Variants in SEPTIN10 observed in about 807,000 individuals in gnomAD.
The protein encoded by SEPTIN10 is septin 10.
In SEPTIN10, 66 loss-of-function variants were observed where a neutral mutation model predicts 54.8. The ratio of observed to expected loss-of-function variants is 1.21; its 90% CI spans 0.99 to 1.48. The LOEUF is 1.48. Among genes scored for constraint, SEPTIN10 ranks in the 40% most tolerant of loss-of-function variants. SEPTIN10 has a pLI of 0.00. For synonymous variants in SEPTIN10, 161 were observed against 181.0 expected, an observed-to-expected ratio of 0.89 and a Z score of 0.89; for missense variants, 620 against 545.6, an observed-to-expected ratio of 1.14 and a Z score of -1.36.
intron 10 of SEPTIN10, chr2:109,545,053 C>T (rs1380966727): frequency 1.0e-6 from 1 of 985,284 alleles, no homozygotes; most frequent in Non-Finnish European, 1.2e-6. Context: ...GTTATGTTTT[C>T]CTATTTTAAA....
chr2:109,605,995 T>C (rs1697847210), intron 1 of SEPTIN10, among the ~76,000 whole-genome samples: 1 of 152,184 alleles, frequency 6.6e-6, no homozygotes, highest in South Asian at 2.1e-4. Flanking sequence ...GAATGAGGTC[T>C]GGGGCAAGGA....
intron 9 of SEPTIN10, among the ~76,000 whole-genome samples, chr2:109,551,672 G>A (rs547561439): frequency 2.0e-5 from 3 of 152,152 alleles, no homozygotes; most frequent in East Asian, 3.9e-4. Flanking sequence ...ATCAAAATTC[G>A]CATTATAAAT....
chr2:109,548,244 C>T (rs1373727690), intron 9 of SEPTIN10, among the ~76,000 whole-genome samples: 3 of 151,544 alleles, frequency 2.0e-5, no homozygotes, highest in African/African-American at 7.3e-5. Flanking sequence ...TGCCCTCTAA[C>T]AACACAACCA....
intron 9 of SEPTIN10, among the ~76,000 whole-genome samples, chr2:109,551,246 A>G (rs1682883247): frequency 5.3e-5 from 8 of 152,260 alleles, no homozygotes; most frequent in Admixed American, 5.2e-4. Context: ...ATGGATTTAT[A>G]CAAAAGATAA....
At chr2:109,609,838 C>G (rs995608167) in intron 1 of SEPTIN10, among the ~76,000 whole-genome samples, 7 of 152,024 alleles carry the variant, frequency 4.6e-5, no homozygotes, top group South Asian at 2.1e-4. Flanking sequence ...GTAAGGATAA[C>G]TGAAGAAGTG....
intron 5 of SEPTIN10, 46 bp from the exon 6 acceptor site, chr2:109,568,022 T>A: frequency 7.0e-7 from 1 of 1,436,600 alleles, no homozygotes; most frequent in Non-Finnish European, 9.4e-7. Flanking sequence ...GATTTTTTTT[T>A]TTAATCCTGC....
intron 2 of SEPTIN10, among the ~76,000 whole-genome samples, chr2:109,592,196 G>GGT: frequency 6.6e-6 from 1 of 152,076 alleles, no homozygotes; most frequent in East Asian, 1.9e-4. Context: ...CGGGCGTGGT[G>GGT]GCTCACGCCT....
Position 109,567,831 on chromosome 2 carries a change from A to T in SEPTIN10, c.746T>A (p.Val249Asp), listed in dbSNP as rs1346718906. The change falls in exon 6 of 11, where the codon GTC (valine) becomes GAC (aspartate). Residue 249 changes from valine (V) to aspartate (D), a missense_variant. Transcript: ENST00000397712. ...GGAGCTCACATTCATTGCAGCGTTG[A>T]CCTTAGCAATAGTGTCATCATCCGT... ...FPTDDDTIAKVNAAMNGQLPF... is the reference protein window; with the variant it reads ...FPTDDDTIAKDNAAMNGQLPF... The T allele has an allele frequency of 6.2e-7, 1 of 1,604,828 alleles. No individual in the cohort carries two copies. The highest frequency in any genetic ancestry group is 1.3e-5 in the African/African-American group (1 of 74,380).
chr2:109,607,598 G>T (rs1172480509), intron 1 of SEPTIN10, among the ~76,000 whole-genome samples: 1 of 151,736 alleles, frequency 6.6e-6, no homozygotes, highest in Non-Finnish European at 1.5e-5. Flanking sequence ...TAATTACCTG[G>T]GCTAATTTAA....
rs2105442673 is a variant in SEPTIN10 at position 109,574,685 on chromosome 2, TAA to T, written c.494_495del (p.Phe165TyrfsTer4). 1.2e-6 allele frequency: 2 copies of T among 1,610,258 alleles called. No individual in the cohort carries two copies. The highest frequency in any genetic ancestry group is 1.7e-6 in the Non-Finnish European group (2 of 1,178,244). ...QEELKIKRSL[F>X]TYHDSRIHVC... is the part of the protein sequence containing the mutation. ...ACATGGATGCGAGAATCATGGTAGGTAAAGAGAGAACGCTTAATCTTCAGTTC... is the reference window on the plus strand; with the variant it reads ...ACATGGATGCGAGAATCATGGTAGGTAGAGAGAACGCTTAATCTTCAGTTC... On this transcript the variant is annotated frameshift_variant, in exon 5 of 11. Transcript: ENST00000397712. LOFTEE classifies it high-confidence loss of function.
intron 7 of SEPTIN10, 112 bp downstream of exon 7, chr2:109,565,651 C>A: frequency 1.1e-6 from 1 of 935,540 alleles, no homozygotes; most frequent in Non-Finnish European, 1.7e-6. Context: ...ACAGCCAATT[C>A]CTCTGACAAC....
chr2:109,565,692 A>G (rs766495465), intron 7 of SEPTIN10, 71 bp downstream of exon 7: 96 of 1,284,418 alleles, frequency 7.5e-5, no homozygotes, highest in Admixed American at 5.0e-4. Flanking sequence ...ATCACCCCAA[A>G]GAAGGCATGA....
At chr2:109,595,441 C>T (rs1342742568) in intron 1 of SEPTIN10, among the ~76,000 whole-genome samples, 1 of 152,134 alleles carries the variant, frequency 6.6e-6, no homozygotes, top group African/African-American at 2.4e-5. Flanking sequence ...CTGAAAGGCC[C>T]CCCAGTCCCA....
At chr2:109,603,890 G>A (rs984026060) in intron 1 of SEPTIN10, among the ~76,000 whole-genome samples, 12 of 151,940 alleles carry the variant, frequency 7.9e-5, no homozygotes, top group African/African-American at 2.9e-4. Flanking sequence ...AGCCGGGCAC[G>A]GTGGCTCACA....
chr2:109,583,471 T>G (rs956409148), intron 4 of SEPTIN10, among the ~76,000 whole-genome samples: 4 of 152,090 alleles, frequency 2.6e-5, no homozygotes, highest in African/African-American at 9.7e-5. Context: ...TGGCTATTAT[T>G]AAAAAGTCAA....
At position 109,574,622 on chromosome 2, in the gene SEPTIN10, T is replaced by C. The variant is rs1473196062; in HGVS notation, c.559A>G (p.Lys187Glu). Residue 187 changes from lysine (K) to glutamate (E), a missense_variant, in exon 5 of 11, where the codon AAG (lysine) becomes GAG (glutamate). By Grantham distance (56) the Lys-to-Glu change is moderately conservative. Transcript: ENST00000397712. ...YFISPTGHSL[K>E]TLDLLTMKNL... ...TTCATGGTTAAGAGATCAAGTGTCT[T>C]CAGAGAGTGGCCTGTCGGTGAAATG... 6.2e-6 allele frequency: 10 copies of C among 1,604,706 alleles called. No individual in the cohort carries two copies. Among genetic ancestry groups the C allele is most frequent in the Non-Finnish European group, 8.5e-6 (10 of 1,175,856 alleles).
chr2:109,547,614 A>T (rs982038950), intron 9 of SEPTIN10, among the ~76,000 whole-genome samples: 2 of 152,150 alleles, frequency 1.3e-5, no homozygotes, highest in Admixed American at 1.3e-4. Flanking sequence ...ATTTTGGGGC[A>T]GGCCTTTTAA....
intron 8 of SEPTIN10, among the ~76,000 whole-genome samples, chr2:109,554,196 G>C (rs183926487): frequency 6.6e-6 from 1 of 152,224 alleles, no homozygotes; most frequent in East Asian, 1.9e-4. Flanking sequence ...CATTATGGTG[G>C]AGGTGAAATC....
rs183313842 is a variant in SEPTIN10, at chr2:109,608,776, A to G, written c.30+5022T>C. Reference sequence around the variant, plus strand: ...TCAGTAGTAGATACAAATCCTAAAAAAAAATTAAATTTTCTAAATAAAGCA... The same window carrying G: ...TCAGTAGTAGATACAAATCCTAAAAGAAAATTAAATTTTCTAAATAAAGCA... On this transcript the variant is annotated intron_variant, in intron 1 of 10. Coordinates refer to ENST00000397712, the MANE Select transcript of SEPTIN10 (RefSeq NM_144710.5). Among the ~76,000 whole-genome samples the G allele has an allele frequency of 5.0e-4, 76 of 152,366 alleles. 1 individual carries two copies. In the East Asian group the frequency reaches 0.011, roughly 23 times the overall value.
Sources: allele counts gnomAD v4.1 joint callset (sites outside exome capture counted in the v4.1 genomes callset), GRCh38; gene constraint gnomAD v4.1.1; transcripts MANE v1.5; gene names NCBI Gene and HGNC (gene_info 2026-07-23, HGNC 2026-07-21).